EYS: variants seen among roughly 807,000 people sequenced by gnomAD.
The protein encoded by EYS is EGF-like photoreceptor maintenance factor, also known as protein eyes shut homolog.
EYS carries 250 observed loss-of-function variants against 282.1 expected under a neutral mutation model. The ratio of observed to expected loss-of-function variants is 0.89; its 90% CI spans 0.80 to 0.98. The LOEUF is 0.98. Among genes scored for constraint, EYS ranks in the 50% least tolerant of loss-of-function variants. EYS has a pLI of 0.00. For synonymous variants in EYS, 1,355 were observed against 1,282.9 expected, an observed-to-expected ratio of 1.06 and a Z score of -1.20; for missense variants, 4,016 against 3,709.0, an observed-to-expected ratio of 1.08 and a Z score of -2.15.
intron 26 of EYS, among the ~76,000 whole-genome samples, chr6:64,457,583 T>C (rs976634149): frequency 8.5e-5 from 13 of 152,198 alleles, no homozygotes; most frequent in African/African-American, 2.4e-4. Context: ...TCTTGTTGAA[T>C]TGACCACTTT....
chr6:65,692,222 A>C (rs1769269957), intron 1 of EYS, among the ~76,000 whole-genome samples: 1 of 150,306 alleles, frequency 6.7e-6, no homozygotes, highest in African/African-American at 2.4e-5. Flanking sequence ...TAATGTTAAC[A>C]GTGAACATAG....
intron 19 of EYS, among the ~76,000 whole-genome samples, chr6:64,830,639 C>T (rs11754126): frequency 6.6e-6 from 1 of 151,716 alleles, no homozygotes; most frequent in African/African-American, 2.4e-5. Flanking sequence ...ACTTTGGTGA[C>T]AGAAATTGGA....
chr6:64,713,407 T>C (rs1771273808), intron 22 of EYS: 1 of 152,174 alleles, frequency 6.6e-6, no homozygotes, highest in Non-Finnish European at 1.5e-5. Flanking sequence ...CACTCAATTG[T>C]GTCCTCAGCT....
chr6:64,688,425 C>G (rs145758384), intron 22 of EYS, among the ~76,000 whole-genome samples: 4,329 of 152,136 alleles, frequency 0.028, 128 homozygotes, highest in East Asian at 0.14. Context: ...AATGTTGTGT[C>G]TTTGTTCTCA....
At chr6:64,210,183 T>C (rs1250928412) in intron 31 of EYS, among the ~76,000 whole-genome samples, 1 of 152,234 alleles carries the variant, frequency 6.6e-6, no homozygotes, top group Non-Finnish European at 1.5e-5. Flanking sequence ...CATATCACTA[T>C]GGAAAATCGA....
chr6:65,229,051 A>G (rs685335), intron 12 of EYS, among the ~76,000 whole-genome samples: 1 of 151,764 alleles, frequency 6.6e-6, no homozygotes, highest in African/African-American at 2.4e-5. Flanking sequence ...TAAGGAAAGA[A>G]GATTCTTGAG....
chr6:65,124,452 CA>C (rs1279238987), intron 12 of EYS, among the ~76,000 whole-genome samples: 1 of 152,054 alleles, frequency 6.6e-6, no homozygotes, highest in Non-Finnish European at 1.5e-5. Context: ...ATGTAATTCA[CA>C]AATTATAAAA....
chr6:63,790,642 G>T (rs1770486725), intron 37 of EYS, among the ~76,000 whole-genome samples: 1 of 152,176 alleles, frequency 6.6e-6, no homozygotes, highest in African/African-American at 2.4e-5. Flanking sequence ...TGTTTCAAGA[G>T]AAAACATAGA....
chr6:64,394,249 A>G (rs1773275453), intron 28 of EYS, among the ~76,000 whole-genome samples: 1 of 152,142 alleles, frequency 6.6e-6, no homozygotes, highest in South Asian at 2.1e-4. Context: ...TCAAGCTACC[A>G]ATGCCTTTCT....
chr6:64,388,915 T>G, intron 28 of EYS, 75 bp from the exon 29 acceptor site: 1 of 944,960 alleles, frequency 1.1e-6, no homozygotes, highest in East Asian at 3.1e-5. Flanking sequence ...ATTAAACTAT[T>G]ATCAAAAGAA....
At position 65,457,536 on chromosome 6, in the gene EYS, TTTGC is replaced by T. The variant is rs1764670857; in HGVS notation, c.862+33054_862+33057del. 1.3e-5 allele frequency among the ~76,000 whole-genome samples: 2 copies of T among 152,166 alleles called. 1 individual carries two copies. Among genetic ancestry groups the T allele is most frequent in the South Asian group, 4.1e-4 (2 of 4,828 alleles). On this transcript the variant is annotated intron_variant, in intron 5 of 42. Transcript: ENST00000503581. ...TTGGAATTGCAAAGTTGAACTATCC[TTTGC>T]TTGATGGTTGTCTTGGAATATCATC... is the stretch of plus-strand genomic sequence containing the variant.
chr6:64,242,103 A>C (rs1434967082), intron 30 of EYS, among the ~76,000 whole-genome samples: 2 of 152,106 alleles, frequency 1.3e-5, no homozygotes, highest in African/African-American at 4.8e-5. Flanking sequence ...CAATTTGAGA[A>C]TAAGTGCGAT....
At position 63,758,210 on chromosome 6, in the gene EYS, G is replaced by A. The variant is rs1769540580; in HGVS notation, c.8071+4251C>T. Among the ~76,000 whole-genome samples the A allele has an allele frequency of 2.0e-5, 3 of 152,032 alleles. No individual in the cohort carries two copies. In the South Asian group the frequency reaches 6.2e-4, roughly 32 times the overall value. ...GAGCTACTGCACCTGGCTGAGTATTGTTGTTGTTGTTTTAAACATTTTATT... is the reference window on the plus strand; with the variant it reads ...GAGCTACTGCACCTGGCTGAGTATTATTGTTGTTGTTTTAAACATTTTATT... On this transcript the variant is annotated intron_variant, in intron 41 of 42. Transcript: ENST00000503581.
At chr6:64,006,419 T>C (rs1261662590) in intron 33 of EYS, among the ~76,000 whole-genome samples, 1 of 152,128 alleles carries the variant, frequency 6.6e-6, no homozygotes, top group Non-Finnish European at 1.5e-5. Flanking sequence ...AGGTATAGAA[T>C]CAATTGTCTG....
At chr6:64,295,982 C>T (rs112536502) in intron 30 of EYS, among the ~76,000 whole-genome samples, 1,662 of 151,986 alleles carry the variant, frequency 0.011, 32 homozygotes, top group African/African-American at 0.038. Flanking sequence ...CTCAAGAGAC[C>T]AATATTTTGG....
chr6:65,609,108 T>G (rs1278724951), intron 2 of EYS, among the ~76,000 whole-genome samples: 1 of 152,022 alleles, frequency 6.6e-6, no homozygotes, highest in Non-Finnish European at 1.5e-5. Flanking sequence ...CATAATTATA[T>G]TTGCTTATAT....
chr6:64,514,349 C>A (rs79483920), intron 26 of EYS, among the ~76,000 whole-genome samples: 70 of 151,852 alleles, frequency 4.6e-4, no homozygotes, highest in African/African-American at 1.6e-3. Context: ...TTAGGAATTG[C>A]AGGAGAAAAC....
At chr6:64,344,224 T>C (rs2150398703) in intron 29 of EYS, among the ~76,000 whole-genome samples, 2 of 152,282 alleles carry the variant, frequency 1.3e-5, no homozygotes, top group African/African-American at 4.8e-5. Flanking sequence ...AGCATCATCC[T>C]GATACCAAAG....
intron 12 of EYS, among the ~76,000 whole-genome samples, chr6:65,295,057 G>A (rs1243560548): frequency 6.6e-6 from 1 of 151,758 alleles, no homozygotes; most frequent in Non-Finnish European, 1.5e-5. Context: ...ATACCAAGCA[G>A]GGAAAATATT....
Sources: gnomAD v4.1 joint callset for allele counts (sites outside exome capture counted in the v4.1 genomes callset) on GRCh38, gnomAD v4.1.1 for gene constraint, MANE v1.5 for transcripts, NCBI Gene and HGNC (gene_info 2026-07-23, HGNC 2026-07-21) for gene names.